Variants in WWOX observed in about 807,000 individuals in gnomAD.
WWOX encodes WW domain-containing oxidoreductase.
In WWOX, 69 loss-of-function variants were observed where a neutral mutation model predicts 46.2. The ratio of observed to expected loss-of-function variants is 1.49; its 90% CI spans 1.23 to 1.82. The LOEUF is 1.82. Among genes scored for constraint, WWOX ranks in the 40% most tolerant of loss-of-function variants. The pLI is 0.00. For synonymous variants in WWOX, 359 were observed against 202.6 expected (o/e 1.77, Z -6.56); for missense variants, 919 against 542.6 (o/e 1.69, Z -6.89).
At chr16:78,610,207 T>A (rs1192810210) in intron 8 of WWOX, among the ~76,000 whole-genome samples, 1 of 152,188 alleles carries the variant, frequency 6.6e-6, no homozygotes, top group African/African-American at 2.4e-5. Context: ...TGTGCGTTAA[T>A]TCAGTTTGTG....
intron 8 of WWOX, among the ~76,000 whole-genome samples, chr16:78,738,134 A>G (rs912286330): frequency 9.2e-5 from 14 of 152,162 alleles, no homozygotes; most frequent in African/African-American, 3.1e-4. Context: ...TCAATTAGGT[A>G]AAGTGACATT....
intron 8 of WWOX, among the ~76,000 whole-genome samples, chr16:79,144,138 G>A (rs1390983403): frequency 2.6e-5 from 4 of 152,226 alleles, no homozygotes; most frequent in East Asian, 1.9e-4. Flanking sequence ...GCCTCAAAGC[G>A]ATCCTCCTGT....
intron 8 of WWOX, among the ~76,000 whole-genome samples, chr16:78,486,765 G>A (rs1034073287): frequency 6.6e-6 from 1 of 152,138 alleles, no homozygotes; most frequent in African/African-American, 2.4e-5. Context: ...GTTGAGATAA[G>A]GGTTTACTGT....
At chr16:78,556,297 C>G (rs1318013295) in intron 8 of WWOX, among the ~76,000 whole-genome samples, 2 of 151,322 alleles carry the variant, frequency 1.3e-5, no homozygotes, top group African/African-American at 4.9e-5. Context: ...AACACAGAGA[C>G]ATGGAGACAG....
chr16:78,483,192 C>G (rs1329471364), intron 8 of WWOX, among the ~76,000 whole-genome samples: 1 of 152,032 alleles, frequency 6.6e-6, no homozygotes, highest in Non-Finnish European at 1.5e-5. Context: ...GTAAAAGATA[C>G]TTTTACCTTT....
intron 8 of WWOX, among the ~76,000 whole-genome samples, chr16:79,058,526 A>C (rs1024907250): frequency 6.6e-6 from 1 of 152,142 alleles, no homozygotes; most frequent in Non-Finnish European, 1.5e-5. Context: ...AGGAGGGAGG[A>C]GGCAAGTATA....
At chr16:78,745,822 A>G (rs921340517) in intron 8 of WWOX, among the ~76,000 whole-genome samples, 4 of 151,470 alleles carry the variant, frequency 2.6e-5, no homozygotes, top group Non-Finnish European at 5.9e-5. Context: ...GTAGAGGGCT[A>G]GTTTACAGAT....
At chr16:78,378,013 T>A (rs1014213041) in intron 5 of WWOX, among the ~76,000 whole-genome samples, 12 of 152,070 alleles carry the variant, frequency 7.9e-5, no homozygotes, top group African/African-American at 2.7e-4. Context: ...GAAGGGGACC[T>A]GATGGAGGGC....
chr16:78,389,411 G>A (rs899928060), intron 6 of WWOX, among the ~76,000 whole-genome samples: 1 of 152,178 alleles, frequency 6.6e-6, no homozygotes, highest in African/African-American at 2.4e-5. Context: ...TGTCACCTCA[G>A]TTGTCAGCTA....
At chr16:79,018,658 T>C (rs1026950730) in intron 8 of WWOX, among the ~76,000 whole-genome samples, 9 of 152,136 alleles carry the variant, frequency 5.9e-5, no homozygotes, top group African/African-American at 2.2e-4. Context: ...AAACATATCA[T>C]GCTCACCCCA....
chr16:79,138,523 T>A (rs1443167653), intron 8 of WWOX, among the ~76,000 whole-genome samples: 1 of 152,074 alleles, frequency 6.6e-6, no homozygotes, highest in Non-Finnish European at 1.5e-5. Flanking sequence ...CATAGACAGG[T>A]TAGAGAACAT....
At chr16:79,010,824 G>C (rs557686961) in intron 8 of WWOX, among the ~76,000 whole-genome samples, 1 of 151,138 alleles carries the variant, frequency 6.6e-6, no homozygotes, top group East Asian at 2.0e-4. Flanking sequence ...GCGGGGGTGG[G>C]GGTTCAGTGA....
intron 8 of WWOX, among the ~76,000 whole-genome samples, chr16:78,632,018 C>T (rs57682625): frequency 0.11 from 14,876 of 140,818 alleles, 891 homozygotes; most frequent in African/African-American, 0.21. Flanking sequence ...GATTTCAGAC[C>T]TCCCAATTTT....
At position 79,211,893 on chromosome 16, in the gene WWOX, A is replaced by C. The variant is rs142218559; in HGVS notation, c.*97A>C. 6.4e-7 allele frequency: 1 copy of C among 1,566,366 alleles called. No individual in the cohort carries two copies. The highest frequency in any genetic ancestry group is 1.9e-5 in the Admixed American group (1 of 52,850). On this transcript the variant is annotated 3_prime_UTR_variant, in exon 9 of 9. Transcript: ENST00000566780. The stretch of plus-strand genomic sequence containing the variant: ...CCCCTTCCAAATGTCCCTCCAACAC[A>C]GATCCGCAAGAGTAAAGGAAATAAG...
intron 8 of WWOX, among the ~76,000 whole-genome samples, chr16:78,820,324 A>G (rs537515553): frequency 6.6e-6 from 1 of 152,230 alleles, no homozygotes; most frequent in African/African-American, 2.4e-5. Context: ...AAGACGTTGC[A>G]TGCCCTCCAA....
intron 5 of WWOX, among the ~76,000 whole-genome samples, chr16:78,307,307 G>A (rs2080153113): frequency 6.6e-6 from 1 of 152,204 alleles, no homozygotes; most frequent in African/African-American, 2.4e-5. Flanking sequence ...TGGAAACGGT[G>A]AATGTTGCTT....
At chr16:79,135,394 G>A (rs1213799961) in intron 8 of WWOX, among the ~76,000 whole-genome samples, 1 of 152,064 alleles carries the variant, frequency 6.6e-6, no homozygotes, top group African/African-American at 2.4e-5. Context: ...TTAAAAGGCT[G>A]CCTGTTATCC....
At chr16:78,781,867 A>G (rs2050334889) in intron 8 of WWOX, among the ~76,000 whole-genome samples, 1 of 152,220 alleles carries the variant, frequency 6.6e-6, no homozygotes, top group Non-Finnish European at 1.5e-5. Flanking sequence ...GGTAACATGC[A>G]TTGAACACTT....
chr16:78,497,860 A>T (rs1597168401), intron 8 of WWOX, among the ~76,000 whole-genome samples: 2 of 63,164 alleles, frequency 3.2e-5, no homozygotes, highest in Non-Finnish European at 1.1e-4. Context: ...TGAGAATTAT[A>T]AAAAAATTAA....
Sources: gnomAD v4.1 joint callset for allele counts (sites outside exome capture counted in the v4.1 genomes callset) on GRCh38, gnomAD v4.1.1 for gene constraint, MANE v1.5 for transcripts, NCBI Gene and HGNC (gene_info 2026-07-23, HGNC 2026-07-21) for gene names.